SEMA3C: variants seen among roughly 807,000 people sequenced by gnomAD.
SEMA3C encodes the protein semaphorin 3C.
Under a neutral mutation model 89.4 loss-of-function variants are expected in SEMA3C, and 47 were observed. The ratio of observed to expected loss-of-function variants is 0.53; its 90% CI spans 0.42 to 0.67. The LOEUF is 0.67. Among genes scored for constraint, SEMA3C ranks in the 30% least tolerant of loss-of-function variants. The pLI, the probability that SEMA3C is intolerant of heterozygous loss-of-function variation, is 0.00. For missense variants in SEMA3C, 839 were observed against 929.1 expected (o/e 0.90, Z 1.26); for synonymous variants, 310 against 320.2 (o/e 0.97, Z 0.34).
chr7:80,819,544 A>G (rs767961531), intron 4 of SEMA3C, among the ~76,000 whole-genome samples: 3 of 152,214 alleles, frequency 2.0e-5, no homozygotes, highest in Non-Finnish European at 4.4e-5. Flanking sequence ...GAATTGGCAA[A>G]TAAAACTAAT....
At chr7:80,864,200 C>A (rs1195513145) in intron 2 of SEMA3C, among the ~76,000 whole-genome samples, 1 of 151,680 alleles carries the variant, frequency 6.6e-6, no homozygotes, top group South Asian at 2.1e-4. Flanking sequence ...TATGAGGATG[C>A]AAAGGCGTTA....
intron 12 of SEMA3C, among the ~76,000 whole-genome samples, chr7:80,788,078 G>C (rs868123972): frequency 6.6e-6 from 1 of 152,094 alleles, no homozygotes; most frequent in Non-Finnish European, 1.5e-5. Flanking sequence ...CCTTATCTTA[G>C]CACACTTTGG....
At chr7:80,908,778 T>C (rs1792076492) in intron 2 of SEMA3C, among the ~76,000 whole-genome samples, 1 of 152,168 alleles carries the variant, frequency 6.6e-6, no homozygotes, top group South Asian at 2.1e-4. Context: ...CCAGAGTTTC[T>C]TGTCCTGGTC....
At chr7:80,806,918 G>A (rs1411966526) in intron 6 of SEMA3C, among the ~76,000 whole-genome samples, 1 of 152,126 alleles carries the variant, frequency 6.6e-6, no homozygotes, top group Non-Finnish European at 1.5e-5. Flanking sequence ...AGAATGGAAT[G>A]TATCTAATAT....
At chr7:80,897,503 C>G (rs939608293) in intron 2 of SEMA3C, among the ~76,000 whole-genome samples, 1 of 151,784 alleles carries the variant, frequency 6.6e-6, no homozygotes, top group African/African-American at 2.4e-5. Flanking sequence ...TTCTTGAACA[C>G]CAGAGAAGAA....
intron 2 of SEMA3C, among the ~76,000 whole-genome samples, chr7:80,836,687 C>CAA (rs1790137005): frequency 6.7e-6 from 1 of 149,508 alleles, no homozygotes; most frequent in Admixed American, 6.7e-5. Flanking sequence ...CAAAAACAAA[C>CAA]AAACAAACAA....
intron 2 of SEMA3C, among the ~76,000 whole-genome samples, chr7:80,830,797 G>A (rs1789991954): frequency 6.6e-6 from 1 of 152,116 alleles, no homozygotes; most frequent in African/African-American, 2.4e-5. Flanking sequence ...GGCAGGTGGT[G>A]CCACAGCCCA....
intron 12 of SEMA3C, 75 bp downstream of exon 12, chr7:80,789,230 TG>T (rs1240765903): frequency 7.0e-6 from 8 of 1,150,976 alleles, no homozygotes; most frequent in Non-Finnish European, 1.0e-5. Context: ...TTCAAGATCA[TG>T]GCCCTTACCT....
chr7:80,872,711 G>C (rs964011279), intron 2 of SEMA3C, among the ~76,000 whole-genome samples: 5 of 144,276 alleles, frequency 3.5e-5, no homozygotes, highest in African/African-American at 5.2e-5. Context: ...TGAGACAGGA[G>C]AATCGCTTGA....
At chr7:80,750,473 TAC>T (rs56793292) in intron 16 of SEMA3C, among the ~76,000 whole-genome samples, 2,030 of 54,820 alleles carry the variant, frequency 0.037, 79 homozygotes, top group South Asian at 0.049. Flanking sequence ...TATATATATA[TAC>T]ACACACACAC....
chr7:80,919,058 A>G (rs1173094219), upstream of SEMA3C: 3 of 985,168 alleles, frequency 3.0e-6, no homozygotes, highest in Admixed American at 6.2e-5. Context: ...GAGTGAATGG[A>G]AAGTGGCCGG....
chr7:80,790,963 T>G (rs186198450), intron 11 of SEMA3C, among the ~76,000 whole-genome samples: 2 of 152,034 alleles, frequency 1.3e-5, no homozygotes, highest in Non-Finnish European at 2.9e-5. Context: ...ATTATATCAT[T>G]GATTGTATCT....
chr7:80,856,801 G>A (rs1790653206), intron 2 of SEMA3C, among the ~76,000 whole-genome samples: 1 of 152,094 alleles, frequency 6.6e-6, no homozygotes, highest in African/African-American at 2.4e-5. Flanking sequence ...TCTTAAATCT[G>A]GGCCTAAAGG....
intron 3 of SEMA3C, among the ~76,000 whole-genome samples, chr7:80,828,344 A>G (rs940062920): frequency 6.6e-6 from 1 of 152,054 alleles, no homozygotes; most frequent in Non-Finnish European, 1.5e-5. Context: ...ATATTTATAC[A>G]CAGGTAGTAT....
At chr7:80,913,010 G>T (rs968798165) in intron 2 of SEMA3C, among the ~76,000 whole-genome samples, 69 of 152,124 alleles carry the variant, frequency 4.5e-4, no homozygotes, top group African/African-American at 1.6e-3. Context: ...AAATTCCATA[G>T]TCTTTCATTT....
intron 12 of SEMA3C, among the ~76,000 whole-genome samples, chr7:80,768,573 T>C (rs1788358356): frequency 6.7e-6 from 1 of 150,264 alleles, no homozygotes; most frequent in South Asian, 2.1e-4. Context: ...GGGAGATAAA[T>C]AATACAAGTA....
rs1174555749 is a variant in SEMA3C at position 80,743,022 on chromosome 7, G to A, written c.*1872C>T. ...GTGAAATAAAGGGAACTGTGACTCTGAAACAATTTTACTTTTAACTTTGAG... is the reference window on the plus strand; with the variant it reads ...GTGAAATAAAGGGAACTGTGACTCTAAAACAATTTTACTTTTAACTTTGAG... On this transcript the variant is annotated 3_prime_UTR_variant, in exon 18 of 18. Transcript: ENST00000265361. 4.6e-5 allele frequency: 7 copies of A among 151,888 alleles called. No individual in the cohort carries two copies. Among genetic ancestry groups the A allele is most frequent in the Non-Finnish European group, 1.0e-4 (7 of 67,820 alleles). The allele number at this position is 151,888 out of a possible 1,614,324, so 9.4% of individuals were successfully genotyped here.
At chr7:80,745,419 A>G in intron 17 of SEMA3C, 112 bp from the exon 18 acceptor site, 1 of 1,001,330 alleles carries the variant, frequency 1.0e-6, no homozygotes, top group African/African-American at 1.6e-5. Context: ...AAAAGTATTG[A>G]GCACTACTTA....
chr7:80,866,452 TAAG>T (rs1790928615), intron 2 of SEMA3C, among the ~76,000 whole-genome samples: 2 of 152,062 alleles, frequency 1.3e-5, no homozygotes, highest in Non-Finnish European at 2.9e-5. Context: ...TTTATTTTCT[TAAG>T]AAGTAGCTCA....
Sources: gnomAD v4.1 joint callset for allele counts (sites outside exome capture counted in the v4.1 genomes callset) on GRCh38, gnomAD v4.1.1 for gene constraint, MANE v1.5 for transcripts, NCBI Gene and HGNC (gene_info 2026-07-23, HGNC 2026-07-21) for gene names.